Variants in COL10A1 observed in about 807,000 individuals in gnomAD.
COL10A1 encodes collagen type X alpha 1 chain.
Under a neutral mutation model 18.2 loss-of-function variants are expected in COL10A1, and 10 were observed. The ratio of observed to expected loss-of-function variants is 0.55; its 90% CI spans 0.34 to 0.93. The LOEUF (loss-of-function observed/expected upper bound fraction) is 0.93, where lower values mean the gene tolerates loss of function less well. COL10A1 is among the 40% of genes least tolerant of loss of function. COL10A1 has a pLI of 0.02. For missense variants in COL10A1, 897 were observed against 853.5 expected, an observed-to-expected ratio of 1.05 and a Z score of -0.64; for synonymous variants, 330 against 316.6, an observed-to-expected ratio of 1.04 and a Z score of -0.45.
At chr6:116,207,279 G>T in the COL10A1 span, among the ~76,000 whole-genome samples, 4 of 143,964 alleles carry the variant, frequency 2.8e-5, no homozygotes, top group African/African-American at 1.1e-4. Flanking sequence ...TTCTGTACCT[G>T]CATTTCCTTT....
In COL10A1 at chr6:116,156,127, GA is replaced by G. The variant is rs544208958; in HGVS notation, c.-16+2486del. Among the ~76,000 whole-genome samples, 15 of 152,124 alleles carry G rather than the reference GA, an allele frequency of 9.9e-5. 1 individual carries two copies. The South Asian group carries it at 1.5e-3, about 15-fold the overall frequency. ...AAGGTCAATAATACATATTTTCTTT[GA>G]AAGCATATCTTCAGTCTCCTGTTCC... On this transcript the variant is annotated intron_variant, in intron 1 of 1. Coordinates refer to the COL10A1 transcript ENST00000418500.
the COL10A1 span, among the ~76,000 whole-genome samples, chr6:116,186,682 A>G: frequency 6.6e-6 from 1 of 152,032 alleles, no homozygotes; most frequent in Non-Finnish European, 1.5e-5. Context: ...GCGAGTTTCC[A>G]GTGCATTTTG....
the COL10A1 span, among the ~76,000 whole-genome samples, chr6:116,169,821 G>A: frequency 6.6e-6 from 1 of 152,184 alleles, no homozygotes; most frequent in African/African-American, 2.4e-5. Context: ...AGTGTGTATA[G>A]ATGATATTTA....
At chr6:116,192,583 G>A in the COL10A1 span, among the ~76,000 whole-genome samples, 1 of 151,940 alleles carries the variant, frequency 6.6e-6, no homozygotes. Context: ...TTGATATAAA[G>A]TCAAAAATCA....
chr6:116,187,820 G>C, the COL10A1 span, among the ~76,000 whole-genome samples: 1 of 151,956 alleles, frequency 6.6e-6, no homozygotes, highest in African/African-American at 2.4e-5. Flanking sequence ...TCTTAAATAG[G>C]ATAGAAACAG....
the COL10A1 span, among the ~76,000 whole-genome samples, chr6:116,208,341 G>A: frequency 6.6e-6 from 1 of 151,958 alleles, no homozygotes; most frequent in South Asian, 2.1e-4. Flanking sequence ...GCTGACTTCT[G>A]TTGAAAACAA....
chr6:116,123,850 A>G (rs1302266081), intron 2 of COL10A1, among the ~76,000 whole-genome samples: 2 of 152,258 alleles, frequency 1.3e-5, no homozygotes, highest in African/African-American at 4.8e-5. Context: ...AGAGAAGATC[A>G]AAGTATTTTT....
intron 1 of COL10A1, among the ~76,000 whole-genome samples, chr6:116,142,828 G>A (rs1232571495): frequency 6.6e-6 from 1 of 152,160 alleles, no homozygotes; most frequent in Non-Finnish European, 1.5e-5. Flanking sequence ...AGTTCTAAAA[G>A]TTATTTTCGT....
chr6:116,200,001 G>GA, the COL10A1 span, among the ~76,000 whole-genome samples: 4 of 149,858 alleles, frequency 2.7e-5, no homozygotes, highest in African/African-American at 9.9e-5. Context: ...ATGGAAAGTG[G>GA]GGGGGGAAGA....
the COL10A1 span, among the ~76,000 whole-genome samples, chr6:116,178,330 C>T: frequency 1.3e-5 from 2 of 152,122 alleles, no homozygotes; most frequent in African/African-American, 4.8e-5. Context: ...GTGGTATGGC[C>T]ATAAGCCCTA....
chr6:116,179,037 A>G, the COL10A1 span, among the ~76,000 whole-genome samples: 1 of 152,194 alleles, frequency 6.6e-6, no homozygotes, highest in Non-Finnish European at 1.5e-5. Flanking sequence ...TAAAATAGTC[A>G]AAGTAAGTTT....
At chr6:116,191,908 C>T in the COL10A1 span, among the ~76,000 whole-genome samples, 1 of 152,122 alleles carries the variant, frequency 6.6e-6, no homozygotes, top group East Asian at 1.9e-4. Flanking sequence ...TAAATCAAAT[C>T]AGTTTTGCTG....
intron 2 of COL10A1, 92 bp from the exon 3 acceptor site, chr6:116,122,053 C>G: frequency 9.2e-7 from 1 of 1,082,544 alleles, no homozygotes; most frequent in Non-Finnish European, 1.4e-6. Context: ...AATTGGGACA[C>G]GATATTTCAG....
the COL10A1 span, among the ~76,000 whole-genome samples, chr6:116,196,351 C>T: frequency 6.6e-6 from 1 of 151,992 alleles, no homozygotes; most frequent in Admixed American, 6.6e-5. Flanking sequence ...ACTACAGCAA[C>T]AAAATATACA....
At chr6:116,190,655 G>A in the COL10A1 span, among the ~76,000 whole-genome samples, 2 of 152,004 alleles carry the variant, frequency 1.3e-5, no homozygotes, top group Admixed American at 6.6e-5. Context: ...TTATTGGATC[G>A]TCAATAAAAT....
chr6:116,212,087 A>T, the COL10A1 span, among the ~76,000 whole-genome samples: 11 of 152,126 alleles, frequency 7.2e-5, no homozygotes, highest in Admixed American at 1.3e-4. Flanking sequence ...TTATTTCATT[A>T]TTCTAATACT....
rs1014905361 is a variant in COL10A1 at position 116,119,872 on chromosome 6, A to G, written c.*201T>C. 1.7e-6 allele frequency: 1 copy of G among 586,770 alleles called. No homozygotes were observed. Among genetic ancestry groups the G allele is most frequent in the Non-Finnish European group, 3.0e-6 (1 of 333,304 alleles). The allele number at this position is 586,770 out of a possible 1,614,324, so 36.3% of individuals were successfully genotyped here. A position where few individuals can be genotyped will look rare whatever the true frequency, so the allele number is the denominator to read the frequency against. ...AGAGCCTTAAGATTGCTAACTAGAA[A>G]TTCAAGAGAGGCTTCACATACGTTT... On this transcript the variant is annotated 3_prime_UTR_variant, in exon 3 of 3. Transcript: ENST00000651968.
the COL10A1 span, among the ~76,000 whole-genome samples, chr6:116,187,904 A>C: frequency 2.0e-5 from 3 of 152,096 alleles, no homozygotes; most frequent in Non-Finnish European, 4.4e-5. Context: ...AAAATTACTA[A>C]GAACGAAAGG....
chr6:116,182,222 AGTGTGT>A, the COL10A1 span, among the ~76,000 whole-genome samples: 2,370 of 124,674 alleles, frequency 0.019, 27 homozygotes, highest in African/African-American at 0.036. Flanking sequence ...TTCCATGGAG[AGTGTGT>A]GTGTGTGTGT....
Sources: gnomAD v4.1 joint callset for allele counts (sites outside exome capture counted in the v4.1 genomes callset) on GRCh38, gnomAD v4.1.1 for gene constraint, MANE v1.5 for transcripts, NCBI Gene and HGNC (gene_info 2026-07-23, HGNC 2026-07-21) for gene names.